The following RSU1 variants were observed in gnomAD, a reference collection of about 807,000 sequenced individuals.
RSU1 encodes the protein Ras suppressor protein 1.
Under a neutral mutation model 31.1 loss-of-function variants are expected in RSU1, and 26 were observed. The ratio of observed to expected loss-of-function variants is 0.84; its 90% confidence interval spans 0.61 to 1.16. The LOEUF (loss-of-function observed/expected upper bound fraction) is 1.16, where lower values mean the gene tolerates loss of function less well. Among genes scored for constraint, RSU1 ranks in the 50% most tolerant of loss-of-function variants. RSU1 has a pLI of 0.00. For missense variants in RSU1, 320 were observed against 339.1 expected (o/e 0.94, Z 0.44); for synonymous variants, 164 against 136.3 (o/e 1.20, Z -1.41).
At chr10:16,680,386 A>C (rs977947513) in intron 8 of RSU1, among the ~76,000 whole-genome samples, 2 of 152,100 alleles carry the variant, frequency 1.3e-5, no homozygotes, top group African/African-American at 2.4e-5. Flanking sequence ...GAAGAAGAAA[A>C]ATAAAAAACA....
intron 8 of RSU1, among the ~76,000 whole-genome samples, chr10:16,687,717 T>G (rs1835464909): frequency 6.6e-6 from 1 of 151,372 alleles, no homozygotes; most frequent in South Asian, 2.1e-4. Flanking sequence ...AAAATCAAAT[T>G]ATTATTATTA....
In RSU1 at chr10:16,732,726, G is replaced by C. The variant is rs570542483; in HGVS notation, c.598+19813C>G. The stretch of plus-strand genomic sequence containing the variant: ...CATTTCTACTGCAGTGACACCTGGT[G>C]TTCCAATTTAACAGGTTAACTATTC... On this transcript the variant is annotated intron_variant, in intron 7 of 8. Coordinates refer to ENST00000345264, the MANE Select transcript of RSU1 (RefSeq NM_012425.4). 2.6e-5 allele frequency among the ~76,000 whole-genome samples: 4 copies of C among 152,216 alleles called. No individual in the cohort carries two copies. In the East Asian group the frequency reaches 7.7e-4, roughly 29 times the overall value.
intron 7 of RSU1, chr10:16,721,623 A>G (rs1473188376): frequency 1.3e-5 from 2 of 152,218 alleles, no homozygotes; most frequent in East Asian, 3.8e-4. Flanking sequence ...ATTAGACTAG[A>G]TCCAAGATCA....
chr10:16,654,152 A>C (rs1320955586), intron 8 of RSU1, among the ~76,000 whole-genome samples: 3 of 151,664 alleles, frequency 2.0e-5, no homozygotes, highest in Non-Finnish European at 4.4e-5. Flanking sequence ...ACACGCGCAC[A>C]CCATCACGCC....
intron 8 of RSU1, among the ~76,000 whole-genome samples, chr10:16,677,513 A>G (rs1339752306): frequency 6.6e-6 from 1 of 152,176 alleles, no homozygotes; most frequent in Non-Finnish European, 1.5e-5. Flanking sequence ...AAGCCACTCA[A>G]TACTCTTAGT....
At chr10:16,690,377 G>A (rs1588716932) in intron 8 of RSU1, among the ~76,000 whole-genome samples, 1 of 152,124 alleles carries the variant, frequency 6.6e-6, no homozygotes, top group Non-Finnish European at 1.5e-5. Context: ...CAGCCAACAA[G>A]TTCCCCTGTG....
chr10:16,673,215 G>A (rs190402909), intron 8 of RSU1, among the ~76,000 whole-genome samples: 94 of 150,840 alleles, frequency 6.2e-4, no homozygotes, highest in Non-Finnish European at 1.1e-3. Context: ...TACCTGGTAG[G>A]ACTCAGAGAC....
At chr10:16,684,604 T>C (rs1835404466) in intron 8 of RSU1, among the ~76,000 whole-genome samples, 1 of 152,134 alleles carries the variant, frequency 6.6e-6, no homozygotes, top group African/African-American at 2.4e-5. Flanking sequence ...AGAGAGGCCT[T>C]AGACAAACCC....
At chr10:16,726,739 A>C (rs1027250892) in intron 7 of RSU1, among the ~76,000 whole-genome samples, 2 of 152,070 alleles carry the variant, frequency 1.3e-5, no homozygotes, top group African/African-American at 4.8e-5. Context: ...ATTAGTTGCC[A>C]AAAAAATGGC....
chr10:16,693,199 C>T (rs11254150), intron 8 of RSU1, among the ~76,000 whole-genome samples: 1,550 of 152,314 alleles, frequency 0.01, 22 homozygotes, highest in African/African-American at 0.035. Context: ...GTGATCCACC[C>T]GCCTTGCCTT....
At chr10:16,623,130 C>T (rs922643630) in intron 8 of RSU1, among the ~76,000 whole-genome samples, 6 of 152,086 alleles carry the variant, frequency 3.9e-5, no homozygotes, top group African/African-American at 1.2e-4. Flanking sequence ...CTAATGAACC[C>T]ATTGACCATG....
chr10:16,732,251 G>C (rs918244714), intron 7 of RSU1, among the ~76,000 whole-genome samples: 2 of 152,162 alleles, frequency 1.3e-5, no homozygotes, highest in African/African-American at 4.8e-5. Context: ...TACCATTGTT[G>C]ATTCTGCTAT....
At chr10:16,773,208 GA>G (rs565619502) in intron 3 of RSU1, among the ~76,000 whole-genome samples, 20 of 137,178 alleles carry the variant, frequency 1.5e-4, no homozygotes, top group South Asian at 2.4e-4. Flanking sequence ...CAAAAAAAAA[GA>G]AAAAAAAAAA....
At chr10:16,728,002 G>C (rs1267256541) in intron 7 of RSU1, among the ~76,000 whole-genome samples, 2 of 152,338 alleles carry the variant, frequency 1.3e-5, no homozygotes, top group East Asian at 3.9e-4. Context: ...ATCTCGGAGA[G>C]AGAAAGAAAT....
At chr10:16,804,173 C>G (rs147939369) in intron 2 of RSU1, among the ~76,000 whole-genome samples, 1 of 152,158 alleles carries the variant, frequency 6.6e-6, no homozygotes, top group Non-Finnish European at 1.5e-5. Flanking sequence ...GAATGGACAT[C>G]TCACCAAAGA....
intron 7 of RSU1, among the ~76,000 whole-genome samples, chr10:16,749,760 T>C (rs577099768): frequency 1.3e-5 from 2 of 152,348 alleles, no homozygotes; most frequent in African/African-American, 4.8e-5. Flanking sequence ...AGTGTTATGC[T>C]AGCCTTGCTC....
chr10:16,817,159 C>A, intron 1 of RSU1, 75 bp from the exon 2 acceptor site: 2 of 1,058,494 alleles, frequency 1.9e-6, no homozygotes, highest in South Asian at 1.3e-5. Flanking sequence ...GCCTTCGCTG[C>A]CACTCTGAGG....
intron 8 of RSU1, among the ~76,000 whole-genome samples, chr10:16,664,275 C>T (rs45490991): frequency 0.021 from 3,227 of 152,306 alleles, 70 homozygotes; most frequent in East Asian, 0.11. Context: ...CGACCACTAT[C>T]GTCCCAATGA....
intron 7 of RSU1, among the ~76,000 whole-genome samples, chr10:16,728,824 AG>A (rs1836447437): frequency 6.6e-6 from 1 of 152,196 alleles, no homozygotes; most frequent in South Asian, 2.1e-4. Context: ...GGATGAAGGA[AG>A]GGGCTGTAAG....
Sources: gnomAD v4.1 joint callset for allele counts (sites outside exome capture counted in the v4.1 genomes callset) on GRCh38, gnomAD v4.1.1 for gene constraint, MANE v1.5 for transcripts, NCBI Gene and HGNC (gene_info 2026-07-23, HGNC 2026-07-21) for gene names.